The following GRIP1 variants were observed in gnomAD, a reference collection of about 807,000 sequenced individuals.
GRIP1 encodes the protein glutamate receptor-interacting protein 1.
GRIP1 carries 45 observed loss-of-function variants against 129.9 expected under a neutral mutation model. That is an observed-to-expected ratio of 0.35 (90% CI 0.27 to 0.44). GRIP1 has a LOEUF of 0.44. Ranked by LOEUF, GRIP1 falls within the 20% of genes least tolerant of loss-of-function variation. GRIP1 has a pLI of 1.00. For missense variants in GRIP1, 1,196 were observed against 1,396.8 expected (o/e 0.86, Z 2.29); for synonymous variants, 530 against 520.8 (o/e 1.02, Z -0.24).
chr12:66,536,483 T>G (rs1310391380), intron 4 of GRIP1, among the ~76,000 whole-genome samples: 1 of 152,160 alleles, frequency 6.6e-6, no homozygotes, highest in Non-Finnish European at 1.5e-5. Flanking sequence ...CGTAAGTATA[T>G]TCCTGGCTTT....
chr12:66,579,107 ACCAC>A (rs1298993126), intron 2 of GRIP1, among the ~76,000 whole-genome samples: 1 of 152,014 alleles, frequency 6.6e-6, no homozygotes, highest in African/African-American at 2.4e-5. Context: ...TTCACGAAAA[ACCAC>A]TGTTCTGCAG....
At chr12:66,885,919 T>C (rs1209392797) in intron 1 of GRIP1, among the ~76,000 whole-genome samples, 2 of 152,170 alleles carry the variant, frequency 1.3e-5, no homozygotes, top group Non-Finnish European at 2.9e-5. Context: ...TAAGCTATCA[T>C]ATGTGACTCT....
At chr12:66,568,766 G>C (rs561328761) in intron 2 of GRIP1, 185 of 243,946 alleles carry the variant, frequency 7.6e-4, no homozygotes, top group Admixed American at 1.4e-3. Flanking sequence ...AAGTTAGACC[G>C]CTACTAGGTG....
intron 11 of GRIP1, among the ~76,000 whole-genome samples, chr12:66,449,072 C>G (rs929137473): frequency 6.6e-6 from 1 of 152,150 alleles, no homozygotes; most frequent in Admixed American, 6.5e-5. Context: ...GGGTCCTTTT[C>G]TCTGTTTTAT....
At chr12:66,714,135 T>C (rs186845789) in intron 1 of GRIP1, among the ~76,000 whole-genome samples, 1 of 152,068 alleles carries the variant, frequency 6.6e-6, no homozygotes, top group Non-Finnish European at 1.5e-5. Context: ...TCTAAACCGA[T>C]GTGAAACGTT....
At chr12:66,627,866 A>G (rs1256344064) in intron 1 of GRIP1, among the ~76,000 whole-genome samples, 1 of 152,084 alleles carries the variant, frequency 6.6e-6, no homozygotes, top group Non-Finnish European at 1.5e-5. Context: ...CCTGGGGAGA[A>G]GCCTGCCTGC....
intron 1 of GRIP1, among the ~76,000 whole-genome samples, chr12:66,756,932 G>A (rs1014063163): frequency 2.6e-5 from 4 of 152,092 alleles, no homozygotes; most frequent in African/African-American, 9.7e-5. Context: ...TAAACCCTAT[G>A]TGCCAGAAAC....
At chr12:66,799,917 T>C (rs182837656) in intron 1 of GRIP1, among the ~76,000 whole-genome samples, 12 of 152,282 alleles carry the variant, frequency 7.9e-5, no homozygotes, top group Non-Finnish European at 1.3e-4. Context: ...AGAAGAACAA[T>C]GCATCGTGTT....
At chr12:66,552,746 T>A (rs2062183921) in intron 2 of GRIP1, among the ~76,000 whole-genome samples, 1 of 152,228 alleles carries the variant, frequency 6.6e-6, no homozygotes, top group African/African-American at 2.4e-5. Flanking sequence ...AGTCCTCATT[T>A]TGTCACAGAT....
chr12:67,012,893 G>A (rs1309627793), intron 1 of GRIP1, among the ~76,000 whole-genome samples: 2 of 152,160 alleles, frequency 1.3e-5, no homozygotes, highest in Admixed American at 6.5e-5. Flanking sequence ...GAAGAAGTGT[G>A]TCTCTGAAAA....
At chr12:66,473,459 C>G (rs1176888388) in intron 7 of GRIP1, among the ~76,000 whole-genome samples, 1 of 152,234 alleles carries the variant, frequency 6.6e-6, no homozygotes, top group Non-Finnish European at 1.5e-5. Flanking sequence ...GATCTCCCAG[C>G]ACAGTGCTTC....
intron 1 of GRIP1, among the ~76,000 whole-genome samples, chr12:67,008,092 C>T (rs1347732001): frequency 6.6e-6 from 1 of 152,154 alleles, no homozygotes; most frequent in Non-Finnish European, 1.5e-5. Context: ...GGATAATATA[C>T]ATGTATTTAA....
At chr12:67,053,823 C>T (rs1309233762) in intron 1 of GRIP1, among the ~76,000 whole-genome samples, 1 of 138,226 alleles carries the variant, frequency 7.2e-6, no homozygotes, top group South Asian at 2.5e-4. Flanking sequence ...GGGAGACAGA[C>T]AGAGACTCCA....
intron 1 of GRIP1, among the ~76,000 whole-genome samples, chr12:67,044,473 A>T (rs774379): frequency 0.41 from 62,488 of 151,912 alleles, 13,114 homozygotes; most frequent in Non-Finnish European, 0.47. Flanking sequence ...TGCTAAAAAA[A>T]TTTTCTTACA....
intron 1 of GRIP1, among the ~76,000 whole-genome samples, chr12:66,972,607 A>G (rs1468293982): frequency 6.6e-6 from 1 of 152,176 alleles, no homozygotes; most frequent in Non-Finnish European, 1.5e-5. Context: ...GCTCTAAAAC[A>G]ACCCCAAATA....
chr12:66,552,042 A>G (rs974809369), intron 2 of GRIP1, among the ~76,000 whole-genome samples: 1 of 152,214 alleles, frequency 6.6e-6, no homozygotes, highest in African/African-American at 2.4e-5. Flanking sequence ...AAGTGAAAGA[A>G]GATCCTGAGA....
intron 1 of GRIP1, among the ~76,000 whole-genome samples, chr12:66,770,210 C>A (rs2037774034): frequency 6.6e-6 from 1 of 152,122 alleles, no homozygotes; most frequent in African/African-American, 2.4e-5. Context: ...GTGGACACAG[C>A]AAATGCTGAA....
chr12:66,606,330 TGA>T (rs1414600995), intron 1 of GRIP1, among the ~76,000 whole-genome samples: 2 of 152,088 alleles, frequency 1.3e-5, no homozygotes, highest in African/African-American at 2.4e-5. Flanking sequence ...CGAAGAAAAA[TGA>T]GAGTTTAATT....
chr12:67,054,894 C>A (rs1396238985), intron 1 of GRIP1, among the ~76,000 whole-genome samples: 1 of 152,018 alleles, frequency 6.6e-6, no homozygotes, highest in African/African-American at 2.4e-5. Context: ...ATGTGATAGA[C>A]CAGAGGCCAA....
Sources: allele counts gnomAD v4.1 joint callset (sites outside exome capture counted in the v4.1 genomes callset), GRCh38; gene constraint gnomAD v4.1.1; transcripts MANE v1.5; gene names NCBI Gene and HGNC (gene_info 2026-07-23, HGNC 2026-07-21).